Variants in ITSN1 observed in about 807,000 individuals in gnomAD.
ITSN1 encodes intersectin-1.
ITSN1 carries 58 observed loss-of-function variants against 239.8 expected under a neutral mutation model. The ratio of observed to expected loss-of-function variants is 0.24; its 90% CI spans 0.20 to 0.30. The LOEUF (loss-of-function observed/expected upper bound fraction) is 0.30, where lower values mean the gene tolerates loss of function less well. Among genes scored for constraint, ITSN1 ranks in the 10% least tolerant of loss-of-function variants. The pLI is 1.00. For missense variants in ITSN1, 1,558 were observed against 2,103.3 expected (o/e 0.74, Z 5.07); for synonymous variants, 780 against 770.8 (o/e 1.01, Z -0.20).
Position 33,865,344 on chromosome 21 carries a change from CA to C in ITSN1, c.4074+11del. ...CAAGGAGTTCGTCAAAGTAAGGAGC[CA>C]GGCTGTGCAGAGACTGGGCCCCAGA... On this transcript the variant is annotated intron_variant, in intron 32 of 39. Transcript: ENST00000381318. This position sits in a 1 kb window ranked among gnomAD's most constrained non-coding sequence, Gnocchi z 4.4. The C allele has an allele frequency of 6.5e-7, 1 of 1,531,876 alleles. No individual in the cohort carries two copies. 94.9% of individuals were successfully genotyped at this position (1,531,876 alleles called of 1,614,324 possible).
intron 29 of ITSN1, among the ~76,000 whole-genome samples, chr21:33,842,803 T>C (rs1401997006): frequency 6.6e-6 from 1 of 152,162 alleles, no homozygotes; most frequent in African/African-American, 2.4e-5. Context: ...ATGCCGTTTC[T>C]CTGAACTCTG....
chr21:33,683,612 C>T (rs2091087382), intron 1 of ITSN1, among the ~76,000 whole-genome samples: 2 of 152,132 alleles, frequency 1.3e-5, no homozygotes, highest in Admixed American at 6.5e-5. Flanking sequence ...CGGTAGAGAT[C>T]TGAGAACTGG....
intron 16 of ITSN1, among the ~76,000 whole-genome samples, chr21:33,792,875 T>C (rs536432284): frequency 6.6e-6 from 1 of 152,226 alleles, no homozygotes; most frequent in African/African-American, 2.4e-5. Flanking sequence ...CCCTTCTTCC[T>C]TTCTTTTTCC....
In ITSN1 at chr21:33,811,085, C is replaced by T. The variant is rs149158648; in HGVS notation, c.2430C>T (p.Pro810=). ...YAEKIPENEV[P]APVKPVTDST... is the part of the protein sequence containing the mutation. Reference sequence around the variant, plus strand: ...AGAAAATCCCAGAAAATGAGGTTCCCGCTCCAGTGAAACCAGTGACTGATT... The same window carrying T: ...AGAAAATCCCAGAAAATGAGGTTCCTGCTCCAGTGAAACCAGTGACTGATT... The change falls in exon 21 of 40, where the codon CCC becomes CCT. Residue 810 remains proline (P), a synonymous_variant. Coordinates refer to ENST00000381318, the MANE Select transcript of ITSN1 (RefSeq NM_003024.3). The T allele has an allele frequency of 3.3e-5, 53 of 1,614,166 alleles. No individual in the cohort carries two copies. The highest frequency in any genetic ancestry group is 2.7e-4 in the African/African-American group (20 of 75,056).
At chr21:33,843,520 T>C (rs556422295) in intron 29 of ITSN1, among the ~76,000 whole-genome samples, 5 of 152,338 alleles carry the variant, frequency 3.3e-5, no homozygotes, top group African/African-American at 7.2e-5. Context: ...TGCTGTAGCT[T>C]CCCAATTTTC....
chr21:33,786,997 C>T (rs1402740351), intron 16 of ITSN1, among the ~76,000 whole-genome samples: 3 of 152,152 alleles, frequency 2.0e-5, no homozygotes, highest in Non-Finnish European at 4.4e-5. Flanking sequence ...GTTTCCCCTG[C>T]GCAGATGAGT....
At chr21:33,771,333 G>A (rs1429425511) in intron 11 of ITSN1, among the ~76,000 whole-genome samples, 5 of 152,198 alleles carry the variant, frequency 3.3e-5, no homozygotes, top group African/African-American at 4.8e-5. Context: ...GCACAGGGTG[G>A]CAATGAGTGC....
At chr21:33,670,890 T>C (rs1184558256) in intron 1 of ITSN1, among the ~76,000 whole-genome samples, 1 of 152,238 alleles carries the variant, frequency 6.6e-6, no homozygotes, top group Non-Finnish European at 1.5e-5. Flanking sequence ...TTAGATGTAA[T>C]GACATGTTCT....
At chr21:33,843,619 T>C (rs1475802063) in intron 29 of ITSN1, among the ~76,000 whole-genome samples, 1 of 152,212 alleles carries the variant, frequency 6.6e-6, no homozygotes, top group African/African-American at 2.4e-5. Flanking sequence ...ATTTCTCTCA[T>C]CATTTTGGAA....
chr21:33,885,231 G>A, intron 37 of ITSN1, 108 bp downstream of exon 37: 1 of 1,074,558 alleles, frequency 9.3e-7, no homozygotes. Context: ...CTAGAGGAGG[G>A]GCATGGAATG....
intron 5 of ITSN1, among the ~76,000 whole-genome samples, chr21:33,748,780 G>T (rs943166239): frequency 6.6e-6 from 1 of 151,474 alleles, no homozygotes; most frequent in African/African-American, 2.4e-5. Context: ...TGGGACGATC[G>T]CTTGAGCCCA....
chr21:33,739,423 C>T (rs1415029413), intron 5 of ITSN1, among the ~76,000 whole-genome samples: 1 of 152,128 alleles, frequency 6.6e-6, no homozygotes, highest in Non-Finnish European at 1.5e-5. Flanking sequence ...GTTTTGTAAG[C>T]CCCTACTGTG....
At chr21:33,776,176 T>G (rs1284610756) in intron 14 of ITSN1, among the ~76,000 whole-genome samples, 1 of 152,110 alleles carries the variant, frequency 6.6e-6, no homozygotes, top group Admixed American at 6.6e-5. Context: ...GTACAAGTCT[T>G]TATGTGGAAA....
rs2090220676 is a variant in ITSN1 at position 33,670,781 on chromosome 21, G to A, written c.-33+28068G>A. 2.6e-5 allele frequency among the ~76,000 whole-genome samples: 4 copies of A among 152,174 alleles called. No homozygotes were observed. In the South Asian group the frequency reaches 8.3e-4, roughly 32 times the overall value. ...GTCAGTGTTGTCTCAGCTACACTAG[G>A]ATCACATGCTCACTAGGTCAGGTGC... On this transcript the variant is annotated intron_variant, in intron 1 of 39. Transcript: ENST00000381318.
chr21:33,670,940 CTT>C (rs761522606), intron 1 of ITSN1, among the ~76,000 whole-genome samples: 2 of 152,130 alleles, frequency 1.3e-5, no homozygotes, highest in Non-Finnish European at 2.9e-5. Flanking sequence ...ACAAAACAGT[CTT>C]TTGATTTATG....
intron 31 of ITSN1, among the ~76,000 whole-genome samples, chr21:33,864,572 T>A (rs1390300077): frequency 3.3e-5 from 5 of 152,218 alleles, no homozygotes; most frequent in African/African-American, 1.2e-4. Flanking sequence ...AATAGACCTC[T>A]TTTCCGAACT....
In ITSN1 at chr21:33,894,581, C is replaced by G. The variant is rs1382012807; in HGVS notation, c.*6281C>G. The G allele has an allele frequency of 1.3e-5, 2 of 151,154 alleles. No individual in the cohort carries two copies. The highest frequency in any genetic ancestry group is 4.9e-5 in the African/African-American group (2 of 41,166). The allele number at this position is 151,154 out of a possible 1,614,324, so 9.4% of individuals were successfully genotyped here. Reference sequence around the variant, plus strand: ...AAAATCAGCATTTCTCTGATATTTCCTGAGGATTAACCAGAAACTAAGGTT... The same window carrying G: ...AAAATCAGCATTTCTCTGATATTTCGTGAGGATTAACCAGAAACTAAGGTT... On this transcript the variant is annotated 3_prime_UTR_variant, in exon 40 of 40. Coordinates refer to ENST00000381318, the MANE Select transcript of ITSN1 (RefSeq NM_003024.3).
intron 20 of ITSN1, among the ~76,000 whole-genome samples, chr21:33,809,865 C>T (rs983581344): frequency 3.3e-5 from 5 of 152,190 alleles, no homozygotes; most frequent in Admixed American, 3.3e-4. Context: ...ATCATCTCAG[C>T]TCACTGCAAC....
chr21:33,837,440 T>C, intron 29 of ITSN1: 1 of 986,762 alleles, frequency 1.0e-6, no homozygotes, highest in Non-Finnish European at 1.2e-6. Flanking sequence ...TATTAAAAAT[T>C]GTTCCAAATG....
Sources: allele counts gnomAD v4.1 joint callset (sites outside exome capture counted in the v4.1 genomes callset), GRCh38; gene constraint gnomAD v4.1.1; non-coding constraint Gnocchi (gnomAD v3.1); transcripts MANE v1.5; gene names NCBI Gene and HGNC (gene_info 2026-07-23, HGNC 2026-07-21).